The following IMPG2 variants were observed in gnomAD, a reference collection of about 807,000 sequenced individuals.
The protein encoded by IMPG2 is IPM 200.
A neutral mutation model predicts 129.2 loss-of-function variants in IMPG2; 91 were observed. That is an observed-to-expected ratio of 0.70 (90% CI 0.59 to 0.84). The LOEUF is 0.84. IMPG2 is among the 40% of genes least tolerant of loss of function. The probability of loss-of-function intolerance (pLI) is 0.00; values close to 1 mark genes in which losing one functional copy is unlikely to be tolerated. For missense variants in IMPG2, 1,430 were observed against 1,461.7 expected (o/e 0.98, Z 0.35); for synonymous variants, 510 against 517.7 (o/e 0.99, Z 0.20).
At chr3:101,260,918 A>G (rs1706662443) in intron 9 of IMPG2, among the ~76,000 whole-genome samples, 1 of 152,176 alleles carries the variant, frequency 6.6e-6, no homozygotes, top group South Asian at 2.1e-4. Context: ...CAAATGGTCA[A>G]TTTTGTTCCC....
rs1406940239 is a variant in IMPG2 at position 101,291,525 on chromosome 3, G to T, written c.502-15C>A. ...TAAGTCAGTTTCTAAGGAAAACAAAGATATAAAAATGACTGAGTTAACAAC... is the reference window on the plus strand; with the variant it reads ...TAAGTCAGTTTCTAAGGAAAACAAATATATAAAAATGACTGAGTTAACAAC... On this transcript the variant is annotated splice_polypyrimidine_tract_variant and intron_variant, in intron 3 of 18. Coordinates refer to ENST00000193391, the MANE Select transcript of IMPG2 (RefSeq NM_016247.4). The T allele has an allele frequency of 3.7e-6, 6 of 1,606,940 alleles. No homozygotes were observed. Among genetic ancestry groups the T allele is most frequent in the Admixed American group, 1.7e-5 (1 of 59,890 alleles).
intron 11 of IMPG2, among the ~76,000 whole-genome samples, chr3:101,249,153 T>C (rs976683945): frequency 6.6e-6 from 1 of 152,164 alleles, no homozygotes; most frequent in Non-Finnish European, 1.5e-5. Context: ...GTAGTGGCAA[T>C]TGCTTCCCAC....
At chr3:101,305,414 C>T (rs891954053) in intron 2 of IMPG2, among the ~76,000 whole-genome samples, 5 of 152,042 alleles carry the variant, frequency 3.3e-5, no homozygotes, top group Admixed American at 6.6e-5. Context: ...GGATACATGT[C>T]GTTATACATT....
chr3:101,314,075 T>C (rs1474051633), intron 2 of IMPG2, among the ~76,000 whole-genome samples: 1 of 152,142 alleles, frequency 6.6e-6, no homozygotes, highest in Non-Finnish European at 1.5e-5. Flanking sequence ...GTTCCTTCCA[T>C]TCAATCAATA....
chr3:101,303,573 T>C (rs1207772425), intron 3 of IMPG2, among the ~76,000 whole-genome samples: 2 of 152,206 alleles, frequency 1.3e-5, no homozygotes, highest in African/African-American at 4.8e-5. Flanking sequence ...TGAATACATA[T>C]GTGCTACACG....
At chr3:101,318,290 A>T (rs1294759016) in intron 2 of IMPG2, among the ~76,000 whole-genome samples, 1 of 151,784 alleles carries the variant, frequency 6.6e-6, no homozygotes, top group Non-Finnish European at 1.5e-5. Flanking sequence ...CTGTCTTTGG[A>T]ATTTTCCATT....
chr3:101,276,075 A>G (rs1344709090), intron 5 of IMPG2, among the ~76,000 whole-genome samples: 2 of 152,204 alleles, frequency 1.3e-5, no homozygotes, highest in Non-Finnish European at 2.9e-5. Flanking sequence ...CTCCTCTACC[A>G]GAGAGGAGAA....
At position 101,230,979 on chromosome 3, in the gene IMPG2, T is replaced by C. The variant is rs765312212; in HGVS notation, c.3400A>G (p.Ser1134Gly). 2.5e-6 allele frequency: 4 copies of C among 1,613,552 alleles called. No homozygotes were observed. Among genetic ancestry groups the C allele is most frequent in the Middle Eastern group, 3.3e-4 (2 of 6,052 alleles). The change falls in exon 16 of 19, where the codon AGT becomes GGT. Residue 1134 changes from serine to glycine, a missense_variant. Coordinates refer to ENST00000193391, the MANE Select transcript of IMPG2 (RefSeq NM_016247.4). ...IRTLQAHHDR[S>G]ERESPFSGSS... ...TACCTGAAGGGACTCTCTCTTTCAC[T>C]CCTGTCATGGTGTGCTTGGAGAGTC...
At chr3:101,241,709 A>C (rs1706409689) in intron 14 of IMPG2, among the ~76,000 whole-genome samples, 1 of 152,136 alleles carries the variant, frequency 6.6e-6, no homozygotes, top group Non-Finnish European at 1.5e-5. Flanking sequence ...TAAAAGCTCC[A>C]GGTGTTAGGA....
In IMPG2 at chr3:101,281,746, C is replaced by T. The variant is rs1045820761; in HGVS notation, c.534-5033G>A. Among the ~76,000 whole-genome samples the T allele has an allele frequency of 2.6e-4, 39 of 152,100 alleles. 1 individual carries two copies. The highest frequency in any genetic ancestry group is 2.6e-3 in the Admixed American group (39 of 15,264). On this transcript the variant is annotated intron_variant, in intron 4 of 18. Coordinates refer to ENST00000193391, the MANE Select transcript of IMPG2 (RefSeq NM_016247.4). ...GTAGGCTCCATGTAATCACAGGGACCCTTTCATGTGGAAGAGAGAGACAGA... is the reference window on the plus strand; with the variant it reads ...GTAGGCTCCATGTAATCACAGGGACTCTTTCATGTGGAAGAGAGAGACAGA...
chr3:101,249,445 A>T (rs1440528678), intron 11 of IMPG2, among the ~76,000 whole-genome samples: 1 of 152,216 alleles, frequency 6.6e-6, no homozygotes. Flanking sequence ...CAAAAATGAT[A>T]TCATTCTGGC....
intron 15 of IMPG2, 148 bp downstream of exon 15, chr3:101,232,633 T>C: frequency 2.9e-6 from 2 of 679,674 alleles, no homozygotes; most frequent in Non-Finnish European, 5.1e-6. Context: ...CATCCTCACA[T>C]GACAGTTAGA....
At chr3:101,229,617 G>T in intron 16 of IMPG2, 27 bp from the exon 17 acceptor site, 4 of 1,591,996 alleles carry the variant, frequency 2.5e-6, no homozygotes, top group East Asian at 2.2e-5. Context: ...ATGGATTCAG[G>T]CTCTTGTTTG....
intron 8 of IMPG2, 122 bp downstream of exon 8, chr3:101,269,393 T>C (rs1180294124): frequency 1.6e-6 from 1 of 639,828 alleles, no homozygotes; most frequent in Non-Finnish European, 2.8e-6. Context: ...TTACCAGAAA[T>C]AGCATTGAGT....
chr3:101,231,172 T>C (rs1390507273), intron 15 of IMPG2, 27 bp from the exon 16 acceptor site: 6 of 1,608,718 alleles, frequency 3.7e-6, no homozygotes, highest in Non-Finnish European at 5.1e-6. Context: ...CCAAGTCCGA[T>C]ATCTGAATCA....
At position 101,273,560 on chromosome 3, in the gene IMPG2, GTTTT is replaced by G. The variant is rs746039015; in HGVS notation, c.828+17_828+20del. 36 of 1,366,748 alleles carry G rather than the reference GTTTT, an allele frequency of 2.6e-5. No individual in the cohort carries two copies. Among genetic ancestry groups the G allele is most frequent in the Non-Finnish European group, 3.5e-5 (34 of 982,772 alleles). The allele number at this position is 1,366,748 out of a possible 1,614,324, so 84.7% of individuals were successfully genotyped here. A position where few individuals can be genotyped will look rare whatever the true frequency, so the allele number is the denominator to read the frequency against. On this transcript the variant is annotated intron_variant, in intron 7 of 18. Coordinates refer to ENST00000193391, the MANE Select transcript of IMPG2 (RefSeq NM_016247.4). ...ACATAGCAGGCATACTGCCTTGTTT[GTTTT>G]TTTTTTAATCACCCACCTCTGAAAT... is the stretch of plus-strand genomic sequence containing the variant.
rs1483251038 is a variant in IMPG2 at position 101,319,565 on chromosome 3, G to A, written c.334+19C>T. On this transcript the variant is annotated intron_variant, in intron 2 of 18. Transcript: ENST00000193391. Reference sequence around the variant, plus strand: ...TTTGAATTTCATTATGGAGCTGAAGGATTTGGATGTTCGCTTACCTCGGAC... The same window carrying A: ...TTTGAATTTCATTATGGAGCTGAAGAATTTGGATGTTCGCTTACCTCGGAC... 2 of 1,612,580 alleles carry A rather than the reference G, an allele frequency of 1.2e-6. No individual in the cohort carries two copies. Among genetic ancestry groups the A allele is most frequent in the East Asian group, 2.2e-5 (1 of 44,860 alleles).
chr3:101,281,265 T>G (rs765281154), intron 4 of IMPG2, among the ~76,000 whole-genome samples: 1 of 152,206 alleles, frequency 6.6e-6, no homozygotes, highest in Non-Finnish European at 1.5e-5. Context: ...GATGTCTGGC[T>G]ATAATGGAGA....
chr3:101,229,326 C>A, intron 17 of IMPG2, 54 bp downstream of exon 17: 33 of 1,353,016 alleles, frequency 2.4e-5, no homozygotes, highest in Non-Finnish European at 3.0e-5. Context: ...CCCTGCTCCC[C>A]CACACACACA....
Sources: gnomAD v4.1 joint callset for allele counts (sites outside exome capture counted in the v4.1 genomes callset) on GRCh38, gnomAD v4.1.1 for gene constraint, MANE v1.5 for transcripts, NCBI Gene and HGNC (gene_info 2026-07-23, HGNC 2026-07-21) for gene names.